The following ZYG11B variants were observed in gnomAD, a reference collection of about 807,000 sequenced individuals.
ZYG11B encodes protein zyg-11 homolog B.
In ZYG11B, 36 loss-of-function variants were observed where a neutral mutation model predicts 82.4. That is an observed-to-expected ratio of 0.44 (90% confidence interval 0.33 to 0.58). ZYG11B has a LOEUF of 0.58. Among genes scored for constraint, ZYG11B ranks in the 20% least tolerant of loss-of-function variants. The pLI, the probability that ZYG11B is intolerant of heterozygous loss-of-function variation, is 0.02. For synonymous variants in ZYG11B, 303 were observed against 312.8 expected (o/e 0.97, Z 0.33); for missense variants, 552 against 895.6 (o/e 0.62, Z 4.90).
In ZYG11B at chr1:52,796,384, C is replaced by A. The variant is rs779827641; in HGVS notation, c.1427C>A (p.Ala476Asp). The change falls in exon 7 of 14, where the codon GCT becomes GAT. Residue 476 changes from alanine (A) to aspartate (D), a missense_variant. Coordinates refer to ENST00000294353, the MANE Select transcript of ZYG11B (RefSeq NM_024646.3). ...GCAGTTGCTATCATTTCTATCCTGG[C>A]TGCCAAGGTACCTGAACTCTTGCTG... The part of the protein sequence containing the change: ...RMAVAIISIL[A>D]AKLSTEQTAQ... 1 of 1,613,034 alleles carries A rather than the reference C, an allele frequency of 6.2e-7. No individual in the cohort carries two copies.
intron 1 of ZYG11B, among the ~76,000 whole-genome samples, chr1:52,748,861 C>T (rs1644498044): frequency 6.8e-6 from 1 of 147,560 alleles, no homozygotes; most frequent in South Asian, 2.1e-4. Flanking sequence ...AAGATCACAC[C>T]ACTGCACTCC....
chr1:52,772,188 A>G (rs1453710746), intron 3 of ZYG11B: 38 of 1,468,768 alleles, frequency 2.6e-5, no homozygotes, highest in Non-Finnish European at 3.2e-5. Context: ...GAGTACACAG[A>G]CAAATTTATG....
chr1:52,733,665 A>G (rs1023539287), intron 1 of ZYG11B, among the ~76,000 whole-genome samples: 6 of 152,036 alleles, frequency 3.9e-5, no homozygotes, highest in Non-Finnish European at 5.9e-5. Flanking sequence ...TGTAAGATCA[A>G]TCAATCAATC....
chr1:52,803,123 C>CACACAT (rs1553262802), intron 10 of ZYG11B, among the ~76,000 whole-genome samples: 5 of 53,648 alleles, frequency 9.3e-5, no homozygotes, highest in African/African-American at 4.4e-4. Context: ...TATATACACA[C>CACACAT]ATATATATAT....
intron 1 of ZYG11B, among the ~76,000 whole-genome samples, chr1:52,738,403 A>G (rs1044986232): frequency 6.6e-6 from 1 of 151,598 alleles, no homozygotes; most frequent in Non-Finnish European, 1.5e-5. Flanking sequence ...CTAGTCTCCA[A>G]CTCCTAAGCT....
intron 5 of ZYG11B, among the ~76,000 whole-genome samples, chr1:52,785,740 A>C (rs938163767): frequency 2.0e-5 from 3 of 151,924 alleles, no homozygotes; most frequent in African/African-American, 7.3e-5. Context: ...CAGCCACCTC[A>C]CCCGGCCCTT....
intron 10 of ZYG11B, 104 bp downstream of exon 10, chr1:52,802,243 T>C: frequency 9.7e-7 from 1 of 1,029,384 alleles, no homozygotes; most frequent in Non-Finnish European, 1.4e-6. Flanking sequence ...CATAGCCCCT[T>C]ATCTAAGGCA....
chr1:52,797,252 A>G (rs1237111698), intron 8 of ZYG11B, among the ~76,000 whole-genome samples: 8 of 83,330 alleles, frequency 9.6e-5, no homozygotes, highest in African/African-American at 3.0e-4. Context: ...TGTATATATA[A>G]TATATATTTA....
Position 52,726,690 on chromosome 1 carries a change from G to A in ZYG11B, c.30+7G>A. 4 of 1,477,896 alleles carry A rather than the reference G, an allele frequency of 2.7e-6. No individual in the cohort carries two copies. Among genetic ancestry groups the A allele is most frequent in the Non-Finnish European group, 3.6e-6 (4 of 1,120,736 alleles). The allele number at this position is 1,477,896 out of a possible 1,614,324, so 91.5% of individuals were successfully genotyped here. ...CCAGGCCGGCGCAGCCATGGTGAGGGAGCAAGGCCTGCCCTAGCCGCAGCC... is the reference window on the plus strand; with the variant it reads ...CCAGGCCGGCGCAGCCATGGTGAGGAAGCAAGGCCTGCCCTAGCCGCAGCC... On this transcript the variant is annotated splice_region_variant and intron_variant, in intron 1 of 13. Coordinates refer to ENST00000294353, the MANE Select transcript of ZYG11B (RefSeq NM_024646.3).
chr1:52,753,132 T>G (rs1032348610), intron 1 of ZYG11B, among the ~76,000 whole-genome samples: 8 of 152,160 alleles, frequency 5.3e-5, no homozygotes, highest in Non-Finnish European at 1.2e-4. Flanking sequence ...AGGTGTGAGC[T>G]GCCGTGCCTG....
At chr1:52,742,256 A>G (rs1037452588) in intron 1 of ZYG11B, among the ~76,000 whole-genome samples, 1 of 151,916 alleles carries the variant, frequency 6.6e-6, no homozygotes, top group African/African-American at 2.4e-5. Context: ...CAGGAGTTCA[A>G]ACCTGAGCAA....
rs71579946 is a variant in ZYG11B at position 52,775,043 on chromosome 1, C to CTT, written c.951+3279_951+3280dup. ...GATCTTTGCCTCTTCCTTGAGATAC[C>CTT]TTTTTTTTTTTAACTTAGCTTCCAG... On this transcript the variant is annotated intron_variant, in intron 3 of 13. Transcript: ENST00000294353. Among the ~76,000 whole-genome samples, 34 of 145,496 alleles carry CTT rather than the reference C, an allele frequency of 2.3e-4. No individual in the cohort carries two copies. The South Asian group carries it at 5.4e-3, about 23-fold the overall frequency.
chr1:52,738,378 A>T (rs1217907502), intron 1 of ZYG11B, among the ~76,000 whole-genome samples: 1 of 151,380 alleles, frequency 6.6e-6, no homozygotes, highest in Non-Finnish European at 1.5e-5. Context: ...TCCGGGTTTC[A>T]CCATGTTGGC....
At chr1:52,741,298 C>CAAAAAAAAAAAAAAAAAAAAAAA (rs770092920) in intron 1 of ZYG11B, among the ~76,000 whole-genome samples, 7 of 72,214 alleles carry the variant, frequency 9.7e-5, no homozygotes, top group African/African-American at 2.2e-4. Context: ...GACTTCGTCT[C>CAAAAAAAAAAAAAAAAAAAAAAA]AAAAAAAAAA....
intron 5 of ZYG11B, among the ~76,000 whole-genome samples, chr1:52,788,340 A>G (rs1008224848): frequency 2.6e-5 from 4 of 152,190 alleles, no homozygotes; most frequent in African/African-American, 9.6e-5. Context: ...TTCCATTTCT[A>G]CCTGTGGTGC....
intron 1 of ZYG11B, among the ~76,000 whole-genome samples, chr1:52,746,764 T>C (rs1353447544): frequency 2.8e-5 from 4 of 143,196 alleles, no homozygotes. Flanking sequence ...TTTCAGCCAT[T>C]GCTCAGGGGC....
rs978053208 is a variant in ZYG11B, at chr1:52,726,622, C to T, written c.-32C>T. ...CTCAGCCTGGGGGCGGGCTCCGGTC[C>T]GGCCCGCCGCCGCACCCAGGACGGA... On this transcript the variant is annotated 5_prime_UTR_variant, in exon 1 of 14. Transcript: ENST00000294353. 2 of 1,424,838 alleles carry T rather than the reference C, an allele frequency of 1.4e-6. No individual in the cohort carries two copies. The highest frequency in any genetic ancestry group is 1.5e-5 in the African/African-American group (1 of 67,142). 88.3% of individuals were successfully genotyped at this position (1,424,838 alleles called of 1,614,324 possible).
intron 1 of ZYG11B, among the ~76,000 whole-genome samples, chr1:52,753,639 C>G (rs1644545303): frequency 6.6e-6 from 1 of 151,976 alleles, no homozygotes; most frequent in Non-Finnish European, 1.5e-5. Context: ...TCTTGTTGCC[C>G]AGGCCGGAGT....
At chr1:52,770,921 C>A in intron 2 of ZYG11B, 99 bp from the exon 3 acceptor site, 2 of 1,277,650 alleles carry the variant, frequency 1.6e-6, no homozygotes, top group Non-Finnish European at 2.2e-6. Context: ...AGACGAGATA[C>A]TGTTACATGG....
Sources: allele counts gnomAD v4.1 joint callset (sites outside exome capture counted in the v4.1 genomes callset), GRCh38; gene constraint gnomAD v4.1.1; transcripts MANE v1.5; gene names NCBI Gene and HGNC (gene_info 2026-07-23, HGNC 2026-07-21).